The following SQOR variants were observed in gnomAD, a reference collection of about 807,000 sequenced individuals.
SQOR encodes the protein sulfide quinone oxidoreductase.
Under a neutral mutation model 48.6 loss-of-function variants are expected in SQOR, and 39 were observed. The observed-to-expected ratio is 0.80, with a 90% confidence interval of 0.62 to 1.05. SQOR has a LOEUF of 1.05. Ranked by LOEUF, SQOR falls within the 50% of genes least tolerant of loss-of-function variation. SQOR has a pLI of 0.00. For missense variants in SQOR, 561 were observed against 559.9 expected, an observed-to-expected ratio of 1.00 and a Z score of -0.02; for synonymous variants, 220 against 206.2, an observed-to-expected ratio of 1.07 and a Z score of -0.57.
intron 7 of SQOR, among the ~76,000 whole-genome samples, chr15:45,687,842 A>G (rs1890250507): frequency 6.6e-6 from 1 of 152,202 alleles, no homozygotes; most frequent in Non-Finnish European, 1.5e-5. Context: ...CTATATCTAT[A>G]TCCACAGATC....
chr15:45,665,590 T>G (rs1889799234), intron 3 of SQOR, among the ~76,000 whole-genome samples: 1 of 152,008 alleles, frequency 6.6e-6, no homozygotes, highest in Non-Finnish European at 1.5e-5. Flanking sequence ...CTGTCTTTTT[T>G]TTTTTTTTTT....
intron 2 of SQOR, among the ~76,000 whole-genome samples, chr15:45,661,338 C>T (rs1486131209): frequency 1.4e-5 from 2 of 145,244 alleles, no homozygotes; most frequent in African/African-American, 5.0e-5. Context: ...CAAGAAAACT[C>T]CAGAAGATAG....
At chr15:45,676,039 TAAAA>T in intron 5 of SQOR, 58 bp from the exon 6 acceptor site, 1 of 1,278,954 alleles carries the variant, frequency 7.8e-7, no homozygotes, top group Non-Finnish European at 1.1e-6. Context: ...TTGTCTGGAT[TAAAA>T]AAAAAAAAGG....
chr15:45,670,060 A>G, intron 4 of SQOR, 79 bp downstream of exon 4: 1 of 1,340,050 alleles, frequency 7.5e-7, no homozygotes, highest in South Asian at 1.2e-5. Flanking sequence ...GCTTTATTAT[A>G]TTCATTTTGA....
At chr15:45,677,486 G>A (rs1595507664) in intron 6 of SQOR, among the ~76,000 whole-genome samples, 1 of 152,140 alleles carries the variant, frequency 6.6e-6, no homozygotes, top group Non-Finnish European at 1.5e-5. Context: ...TCCAGTGCAG[G>A]ACTCAGGCTA....
rs530447281 is a variant in SQOR, at chr15:45,676,231, A to G, written c.785A>G (p.Asn262Ser). The G allele has an allele frequency of 6.2e-6, 10 of 1,613,308 alleles. No individual in the cohort carries two copies. The East Asian group carries it at 2.2e-4, about 36-fold the overall frequency. Residue 262 changes from asparagine to serine, a missense_variant, in exon 6 of 10, where the codon AAC becomes AGC. Coordinates refer to ENST00000260324, the MANE Select transcript of SQOR (RefSeq NM_021199.4). ...AACCTCACTGTTAACTACAAGAAAA[A>G]CCTCATTGAAGTCCGAGCCGATAAA... ...ERNLTVNYKK[N>S]LIEVRADKQE...
At chr15:45,671,408 T>G (rs1273135530) in intron 4 of SQOR, among the ~76,000 whole-genome samples, 1 of 152,176 alleles carries the variant, frequency 6.6e-6, no homozygotes, top group Non-Finnish European at 1.5e-5. Context: ...TCCACCCGCC[T>G]CAGCCTCTCA....
intron 4 of SQOR, among the ~76,000 whole-genome samples, chr15:45,670,466 A>G (rs1256407662): frequency 6.6e-6 from 1 of 152,222 alleles, no homozygotes; most frequent in East Asian, 1.9e-4. Flanking sequence ...TGCAATGGAA[A>G]TGCCACTCAG....
At chr15:45,635,370 C>T in intron 1 of SQOR, among the ~76,000 whole-genome samples, 1 of 152,212 alleles carries the variant, frequency 6.6e-6, no homozygotes, top group East Asian at 1.9e-4. Context: ...GAGAGGCCAA[C>T]CCGCGAGGGG....
At chr15:45,690,119 C>A (rs1268032068) in intron 9 of SQOR, among the ~76,000 whole-genome samples, 1 of 93,860 alleles carries the variant, frequency 1.1e-5, no homozygotes, top group Non-Finnish European at 2.5e-5. Flanking sequence ...TCTTGCCCTG[C>A]CCGTGGTGTG....
At chr15:45,667,915 ATCTT>A (rs1173665350) in intron 3 of SQOR, among the ~76,000 whole-genome samples, 1 of 147,458 alleles carries the variant, frequency 6.8e-6, no homozygotes, top group Non-Finnish European at 1.5e-5. Flanking sequence ...TCAATACATC[ATCTT>A]TCTTTATTTC....
At chr15:45,689,337 C>A in intron 9 of SQOR, 120 bp downstream of exon 9, 1 of 891,680 alleles carries the variant, frequency 1.1e-6, no homozygotes. Flanking sequence ...CTTCCATGCT[C>A]TAGGCCCTCT....
chr15:45,646,850 C>T (rs892299237), intron 1 of SQOR, among the ~76,000 whole-genome samples: 5 of 151,878 alleles, frequency 3.3e-5, no homozygotes, highest in African/African-American at 4.8e-5. Context: ...AAGCAAATTC[C>T]GAGTCATTTC....
At position 45,669,464 on chromosome 15, in the gene SQOR, T is replaced by C. The variant is rs1889898911; in HGVS notation, c.406-464T>C. ...CAGGTGTGAGCCACTGTGCCTGGCC[T>C]ACCCCATAGATTTTAGACAGTGGAT... On this transcript the variant is annotated intron_variant, in intron 3 of 9. Transcript: ENST00000260324. 2.0e-5 allele frequency among the ~76,000 whole-genome samples: 3 copies of C among 152,202 alleles called. No individual in the cohort carries two copies. In the South Asian group the frequency reaches 6.2e-4, roughly 31 times the overall value.
intron 1 of SQOR, among the ~76,000 whole-genome samples, chr15:45,650,210 A>G (rs922939165): frequency 7.3e-5 from 11 of 151,714 alleles, no homozygotes; most frequent in African/African-American, 2.4e-4. Flanking sequence ...CATGATCTTG[A>G]CTCATTGCCA....
rs532535956 is a variant in SQOR, at chr15:45,647,328, C to CTT, written c.-17-11564_-17-11563dup. Among the ~76,000 whole-genome samples the CTT allele has an allele frequency of 7.0e-3, 985 of 140,530 alleles. 17 individuals are homozygous for CTT. The highest frequency in any genetic ancestry group is 0.066 in the East Asian group (305 of 4,632). The allele number at this position is 140,530 out of a possible 152,430, so 92.2% of individuals were successfully genotyped here. A position where few individuals can be genotyped will look rare whatever the true frequency, so the allele number is the denominator to read the frequency against. On this transcript the variant is annotated intron_variant, in intron 1 of 9. Transcript: ENST00000260324. ...ATGGGATTCAACCAAGCTACTTTAA[C>CTT]TTTTTTTTTTTTTTTTGAGACAGGG...
At chr15:45,662,803 G>C (rs963483332) in intron 3 of SQOR, among the ~76,000 whole-genome samples, 1 of 152,182 alleles carries the variant, frequency 6.6e-6, no homozygotes, top group Non-Finnish European at 1.5e-5. Context: ...CTGCTGCTGA[G>C]CCCAGGGCAG....
intron 3 of SQOR, among the ~76,000 whole-genome samples, chr15:45,667,598 C>T (rs955946401): frequency 5.9e-5 from 9 of 152,152 alleles, no homozygotes; most frequent in Non-Finnish European, 1.3e-4. Flanking sequence ...TGCTTTCTTG[C>T]TATGGAGGGT....
At chr15:45,665,245 T>C (rs948854440) in intron 3 of SQOR, among the ~76,000 whole-genome samples, 1 of 152,198 alleles carries the variant, frequency 6.6e-6, no homozygotes, top group Non-Finnish European at 1.5e-5. Flanking sequence ...TAGTGTCTTG[T>C]TTTAGGGCAG....
Sources: allele counts gnomAD v4.1 joint callset (sites outside exome capture counted in the v4.1 genomes callset), GRCh38; gene constraint gnomAD v4.1.1; transcripts MANE v1.5; gene names NCBI Gene and HGNC (gene_info 2026-07-23, HGNC 2026-07-21).